MYO10: variants seen among roughly 807,000 people sequenced by gnomAD.
MYO10 encodes the protein myosin X.
A neutral mutation model predicts 257.3 loss-of-function variants in MYO10; 133 were observed. The observed-to-expected ratio is 0.52, with a 90% CI of 0.45 to 0.60. The LOEUF is 0.60. Ranked by LOEUF, MYO10 falls within the 20% of genes least tolerant of loss-of-function variation. The pLI, the probability that MYO10 is intolerant of heterozygous loss-of-function variation, is 0.00. For missense variants in MYO10, 2,399 were observed against 2,635.7 expected (o/e 0.91, Z 1.97); for synonymous variants, 1,104 against 1,028.6 (o/e 1.07, Z -1.40).
chr5:16,792,636 C>T (rs1245919835), intron 4 of MYO10, among the ~76,000 whole-genome samples: 4 of 152,130 alleles, frequency 2.6e-5, no homozygotes, highest in Non-Finnish European at 5.9e-5. Flanking sequence ...AAAGGCAGCA[C>T]CTGCCTGCTT....
chr5:16,755,197 G>A (rs889533439), intron 18 of MYO10, among the ~76,000 whole-genome samples: 10 of 152,030 alleles, frequency 6.6e-5, no homozygotes, highest in African/African-American at 2.2e-4. Context: ...ACGGAGTCTC[G>A]CTCTATCACC....
chr5:16,902,131 C>T (rs1223209575), intron 1 of MYO10, among the ~76,000 whole-genome samples: 2 of 151,990 alleles, frequency 1.3e-5, no homozygotes, highest in African/African-American at 2.4e-5. Flanking sequence ...CTGCAACCTC[C>T]ACCTCTCAGA....
chr5:16,827,567 G>C (rs34717408), intron 2 of MYO10, among the ~76,000 whole-genome samples: 2 of 152,022 alleles, frequency 1.3e-5, no homozygotes, highest in African/African-American at 4.8e-5. Context: ...GATTACAGGC[G>C]TGAGCCACTG....
rs367593755 is a variant in MYO10, at chr5:16,666,729, G to A, written c.6140C>T (p.Thr2047Met). 9.2e-4 allele frequency: 1,473 copies of A among 1,607,386 alleles called. 21 individuals are homozygous for A. In the South Asian group the frequency reaches 0.015, roughly 17 times the overall value. Residue 2047 changes from threonine (T) to methionine (M), a missense_variant, in exon 41 of 41, where the codon ACG becomes ATG. This residue lies in a region of MYO10 where 1,820 missense variants were observed against 1,939.4 expected (regional missense o/e 0.94). Transcript: ENST00000513610. Reference protein sequence around the residue: ...ISMIVKKRYSTTRSASSQGSS... With the variant: ...ISMIVKKRYSMTRSASSQGSS... ...GCCCTGGCTGCTGGCGGAGCGTGTC[G>A]TGCTGTAGCGCTTCTTCACGATCAT... is the stretch of plus-strand genomic sequence containing the variant.
Position 16,681,333 on chromosome 5 carries a change from C to G in MYO10, c.4360G>C (p.Asp1454His), listed in dbSNP as rs1303290665. The change falls in exon 32 of 41, where the codon GAT becomes CAT. Residue 1454 changes from aspartate (D) to histidine (H), a missense_variant. By Grantham distance (81) the Asp-to-His change is moderately conservative. Around this residue, in one of 3 missense-constraint regions of MYO10, gnomAD observed 1,820 missense variants for 1,939.4 expected, o/e 0.94. Transcript: ENST00000513610. The stretch of plus-strand genomic sequence containing the variant: ...CCTGTCTCTTTGAATATCTTCTCAT[C>G]TGGGGGGACGACAGAGCAGAGGCTG... ...LNSLCSVVPP[D>H]EKIFKETGYW... 1.2e-6 allele frequency: 2 copies of G among 1,612,214 alleles called. No homozygotes were observed. Among genetic ancestry groups the G allele is most frequent in the African/African-American group, 1.3e-5 (1 of 74,794 alleles).
chr5:16,779,820 C>G (rs1579982223), intron 8 of MYO10, among the ~76,000 whole-genome samples, 172 bp from the exon 9 acceptor site: 1 of 152,194 alleles, frequency 6.6e-6, no homozygotes, highest in East Asian at 1.9e-4. Flanking sequence ...AAAACAATTA[C>G]TGAAACTAAA....
At chr5:16,700,688 A>G (rs529177620) in intron 25 of MYO10, among the ~76,000 whole-genome samples, 1 of 152,264 alleles carries the variant, frequency 6.6e-6, no homozygotes, top group South Asian at 2.1e-4. Flanking sequence ...AAACAACAAC[A>G]ACAACAATAA....
intron 17 of MYO10, 99 bp from the exon 18 acceptor site, chr5:16,758,325 A>G (rs1740596737): frequency 1.1e-5 from 9 of 841,076 alleles, no homozygotes; most frequent in Non-Finnish European, 1.8e-5. Context: ...TGATAATTCA[A>G]AGTAATACAC....
At chr5:16,928,461 G>T (rs1746198630) in intron 1 of MYO10, among the ~76,000 whole-genome samples, 1 of 152,014 alleles carries the variant, frequency 6.6e-6, no homozygotes, top group Non-Finnish European at 1.5e-5. Context: ...CCAAAGTGCT[G>T]GGATTACAGG....
At position 16,935,781 on chromosome 5, in the gene MYO10, C is replaced by T. The variant is rs369445145; in HGVS notation, c.21+7G>A. 64 of 1,613,478 alleles carry T rather than the reference C, an allele frequency of 4.0e-5. No individual in the cohort carries two copies. The African/African-American group carries it at 8.0e-4, about 20-fold the overall frequency. On this transcript the variant is annotated splice_region_variant and intron_variant, in intron 1 of 40. Transcript: ENST00000513610. ...CGGAGGCCAGGTCGGACTGGGAGCGCACTTACCTCGGTGAAGAAGTTATCC... is the reference window on the plus strand; with the variant it reads ...CGGAGGCCAGGTCGGACTGGGAGCGTACTTACCTCGGTGAAGAAGTTATCC...
intron 19 of MYO10, among the ~76,000 whole-genome samples, chr5:16,751,314 C>T (rs1369886899): frequency 6.6e-6 from 1 of 152,112 alleles, no homozygotes; most frequent in Non-Finnish European, 1.5e-5. Flanking sequence ...TTTCACAGAA[C>T]ATAATAGGTG....
intron 2 of MYO10, among the ~76,000 whole-genome samples, chr5:16,869,049 G>A (rs1744368876): frequency 6.6e-6 from 1 of 151,990 alleles, no homozygotes; most frequent in African/African-American, 2.4e-5. Flanking sequence ...TTTTCAGACA[G>A]AGTCTCGCTC....
intron 19 of MYO10, among the ~76,000 whole-genome samples, chr5:16,720,234 A>G (rs192128690): frequency 2.2e-3 from 333 of 152,228 alleles, no homozygotes; most frequent in Non-Finnish European, 3.9e-3. Context: ...CAGCCCCAGA[A>G]AGCCAAACAA....
intron 9 of MYO10, among the ~76,000 whole-genome samples, chr5:16,771,377 C>A (rs577032264): frequency 4.7e-4 from 72 of 151,818 alleles, no homozygotes; most frequent in Admixed American, 7.9e-4. Flanking sequence ...ACATGATTAT[C>A]TGACAGAATT....
chr5:16,771,281 T>C (rs1741039963), intron 9 of MYO10, among the ~76,000 whole-genome samples: 1 of 151,994 alleles, frequency 6.6e-6, no homozygotes, highest in Non-Finnish European at 1.5e-5. Flanking sequence ...TAGCAAAAAA[T>C]TTCAGAATGA....
At chr5:16,778,706 T>G (rs1298123695) in intron 9 of MYO10, among the ~76,000 whole-genome samples, 1 of 149,482 alleles carries the variant, frequency 6.7e-6, no homozygotes, top group Non-Finnish European at 1.5e-5. Context: ...TTTTTTTTTT[T>G]TTTTGAGACG....
chr5:16,802,264 G>A (rs1265633070), intron 3 of MYO10, among the ~76,000 whole-genome samples: 8 of 152,104 alleles, frequency 5.3e-5, no homozygotes, highest in Non-Finnish European at 7.3e-5. Context: ...GCAGGGTAAC[G>A]TAAATATACT....
rs778020533 is a variant in MYO10 at position 16,701,634 on chromosome 5, C to CCTGCAGCTT, written c.2752_2760dup (p.Lys918_Gln920dup). On this transcript the variant is annotated inframe_insertion, in exon 25 of 41. Coordinates refer to ENST00000513610, the MANE Select transcript of MYO10 (RefSeq NM_012334.3). This position sits in a 1 kb window ranked among gnomAD's most constrained non-coding sequence, Gnocchi z 8.1. ...CTGCGGAGCTCCTGGTCCCGCCGCTCCTGCAGCTTCTGCAGGGAAGCCTCG... is the reference window on the plus strand; with the variant it reads ...CTGCGGAGCTCCTGGTCCCGCCGCTCCTGCAGCTTCTGCAGCTTCTGCAGGGAAGCCTCG... The CCTGCAGCTT allele has an allele frequency of 6.2e-7, 1 of 1,613,776 alleles. No individual in the cohort carries two copies. Among genetic ancestry groups the CCTGCAGCTT allele is most frequent in the South Asian group, 1.1e-5 (1 of 91,054 alleles).
intron 9 of MYO10, among the ~76,000 whole-genome samples, chr5:16,776,848 G>A (rs1410210357): frequency 1.3e-5 from 2 of 152,212 alleles, no homozygotes; most frequent in African/African-American, 4.8e-5. Context: ...GCCAACAAGC[G>A]AGCTCGCAGG....
Sources: allele counts gnomAD v4.1 joint callset (sites outside exome capture counted in the v4.1 genomes callset), GRCh38; gene constraint gnomAD v4.1.1; regional missense constraint gnomAD v4.1.1; non-coding constraint Gnocchi (gnomAD v3.1); transcripts MANE v1.5; gene names NCBI Gene and HGNC (gene_info 2026-07-23, HGNC 2026-07-21).